Variants in TPCN1 observed in about 807,000 individuals in gnomAD.
TPCN1 encodes the protein two pore channel protein 1.
Under a neutral mutation model 108.8 loss-of-function variants are expected in TPCN1, and 52 were observed. The ratio of observed to expected loss-of-function variants is 0.48; its 90% confidence interval spans 0.38 to 0.60. The LOEUF (loss-of-function observed/expected upper bound fraction) is 0.60, where lower values mean the gene tolerates loss of function less well. TPCN1 is among the 20% of genes least tolerant of loss of function. The pLI is 0.00. For synonymous variants in TPCN1, 446 were observed against 433.7 expected, an observed-to-expected ratio of 1.03 and a Z score of -0.35; for missense variants, 806 against 1,072.8, an observed-to-expected ratio of 0.75 and a Z score of 3.47.
At chr12:113,257,260 G>C (rs1184348274) in intron 2 of TPCN1, among the ~76,000 whole-genome samples, 1 of 152,208 alleles carries the variant, frequency 6.6e-6, no homozygotes, top group Non-Finnish European at 1.5e-5. Context: ...GGGAGGCCGA[G>C]GCGGGCAGAT....
intron 1 of TPCN1, among the ~76,000 whole-genome samples, chr12:113,221,913 T>C (rs983451091): frequency 5.9e-5 from 9 of 152,150 alleles, no homozygotes; most frequent in African/African-American, 2.2e-4. Context: ...TGCCTCCTTC[T>C]TCCTCCCTCC....
intron 2 of TPCN1, among the ~76,000 whole-genome samples, chr12:113,241,127 C>G (rs1441730961): frequency 6.6e-6 from 1 of 152,204 alleles, no homozygotes; most frequent in Non-Finnish European, 1.5e-5. Context: ...TTTGGGCTGC[C>G]TTCCCCACCA....
In TPCN1 at chr12:113,293,067, A is replaced by G. The variant is rs138573043; in HGVS notation, c.2247A>G (p.Arg749=). 11 of 1,611,532 alleles carry G rather than the reference A, an allele frequency of 6.8e-6. No individual in the cohort carries two copies. The highest frequency in any genetic ancestry group is 6.7e-5 in the East Asian group (3 of 44,866). Residue 749 remains arginine, a synonymous_variant, in exon 26 of 28, where the codon AGA becomes AGG. Coordinates refer to ENST00000335509, the MANE Select transcript of TPCN1 (RefSeq NM_017901.6). ...RLLETLSQME[R]YQQHSMVFLG... Reference sequence around the variant, plus strand: ...TGGAGACCCTCTCCCAGATGGAGAGATACCAGGTGAGGAGCCCAGGCCCTG... The same window carrying G: ...TGGAGACCCTCTCCCAGATGGAGAGGTACCAGGTGAGGAGCCCAGGCCCTG...
chr12:113,290,007 G>A, intron 21 of TPCN1, 121 bp from the exon 22 acceptor site: 2 of 651,610 alleles, frequency 3.1e-6, no homozygotes, highest in Non-Finnish European at 5.4e-6. Context: ...CAGGAAACCA[G>A]GCTGCGGGCA....
intron 1 of TPCN1, among the ~76,000 whole-genome samples, chr12:113,222,556 CAA>C (rs1953282432): frequency 6.6e-6 from 1 of 152,162 alleles, no homozygotes; most frequent in South Asian, 2.1e-4. Flanking sequence ...CCCATGGGGG[CAA>C]AAATCACCCC....
At chr12:113,279,523 C>T (rs1228963477) in intron 14 of TPCN1, among the ~76,000 whole-genome samples, 3 of 149,044 alleles carry the variant, frequency 2.0e-5, no homozygotes, top group Admixed American at 6.7e-5. Context: ...CTCAGCCTCC[C>T]GAGTAGCTGG....
chr12:113,270,435 G>A (rs1029371366), intron 7 of TPCN1, among the ~76,000 whole-genome samples: 1 of 151,996 alleles, frequency 6.6e-6, no homozygotes, highest in Non-Finnish European at 1.5e-5. Context: ...CTCACGTGGT[G>A]GAAGGTGGGA....
intron 2 of TPCN1, among the ~76,000 whole-genome samples, chr12:113,238,013 G>T (rs1419484448): frequency 6.6e-6 from 1 of 152,148 alleles, no homozygotes; most frequent in Non-Finnish European, 1.5e-5. Context: ...CCAGTGCACT[G>T]ACACAGTCCC....
At chr12:113,281,912 CTTT>C (rs1161003553) in intron 15 of TPCN1, among the ~76,000 whole-genome samples, 1 of 119,678 alleles carries the variant, frequency 8.4e-6, no homozygotes. Context: ...ATTTGGATTT[CTTT>C]TTTTTTTTTT....
At chr12:113,265,141 G>A (rs1955205457) in intron 3 of TPCN1, among the ~76,000 whole-genome samples, 1 of 152,138 alleles carries the variant, frequency 6.6e-6, no homozygotes, top group Non-Finnish European at 1.5e-5. Flanking sequence ...AGCTCTTGAT[G>A]GGTGTTAAAG....
intron 27 of TPCN1, 124 bp downstream of exon 27, chr12:113,293,473 C>T (rs866608451): frequency 6.5e-6 from 6 of 927,904 alleles, no homozygotes; most frequent in Admixed American, 3.7e-5. Context: ...GACCGTCCAT[C>T]GGGACCACTG....
chr12:113,226,652 T>A, intron 1 of TPCN1, 76 bp from the exon 2 acceptor site: 1 of 1,194,588 alleles, frequency 8.4e-7, no homozygotes, highest in Admixed American at 2.6e-5. Flanking sequence ...CACCACTATC[T>A]AATTTCAGAA....
At chr12:113,286,448 A>AGAGGGGGCCGCGAGGGT (rs1211859140) in intron 18 of TPCN1, among the ~76,000 whole-genome samples, 2 of 152,168 alleles carry the variant, frequency 1.3e-5, no homozygotes, top group Non-Finnish European at 2.9e-5. Flanking sequence ...GTTAACACGC[A>AGAGGGGGCCGCGAGGGT]GAGCGGAGTT....
intron 7 of TPCN1, among the ~76,000 whole-genome samples, chr12:113,271,423 G>A (rs953880851): frequency 6.6e-6 from 1 of 152,050 alleles, no homozygotes; most frequent in South Asian, 2.1e-4. Context: ...CCTGTCCTAC[G>A]CTTATCATTC....
intron 2 of TPCN1, among the ~76,000 whole-genome samples, chr12:113,253,674 A>G (rs1954729576): frequency 6.6e-6 from 1 of 152,178 alleles, no homozygotes; most frequent in Non-Finnish European, 1.5e-5. Flanking sequence ...CCAAGAGAAT[A>G]AGGTGAAAGT....
intron 2 of TPCN1, among the ~76,000 whole-genome samples, chr12:113,255,554 C>G (rs988894755): frequency 2.0e-5 from 3 of 150,638 alleles, no homozygotes; most frequent in African/African-American, 7.3e-5. Context: ...GAGACAGAGT[C>G]TCAGTCTGTA....
At chr12:113,278,154 T>C (rs745783627) in intron 12 of TPCN1, 35 bp from the exon 13 acceptor site, 1 of 1,591,338 alleles carries the variant, frequency 6.3e-7, no homozygotes, top group Admixed American at 1.7e-5. Context: ...AACTATGTTC[T>C]GATATTTTGT....
intron 12 of TPCN1, among the ~76,000 whole-genome samples, chr12:113,277,793 A>G (rs893205854): frequency 6.6e-5 from 10 of 152,086 alleles, no homozygotes; most frequent in Non-Finnish European, 1.3e-4. Flanking sequence ...AGCCCTGTCC[A>G]CAGCAGCCTG....
At chr12:113,293,380 C>T (rs1413220621) in intron 27 of TPCN1, 31 bp downstream of exon 27, 2 of 1,601,932 alleles carry the variant, frequency 1.2e-6, no homozygotes, top group South Asian at 2.2e-5. Context: ...GCTGCGAATC[C>T]TCCCCCAAGC....
Sources: gnomAD v4.1 joint callset for allele counts (sites outside exome capture counted in the v4.1 genomes callset) on GRCh38, gnomAD v4.1.1 for gene constraint, MANE v1.5 for transcripts, NCBI Gene and HGNC (gene_info 2026-07-23, HGNC 2026-07-21) for gene names.